FNIP2: variants seen among roughly 807,000 people sequenced by gnomAD.
FNIP2 encodes folliculin-interacting protein 2.
Under a neutral mutation model 108.7 loss-of-function variants are expected in FNIP2, and 32 were observed. The observed-to-expected ratio is 0.29, with a 90% confidence interval of 0.22 to 0.40. The LOEUF is 0.40. Among genes scored for constraint, FNIP2 ranks in the 10% least tolerant of loss-of-function variants. The pLI is 1.00. For missense variants in FNIP2, 1,202 were observed against 1,381.6 expected (o/e 0.87, Z 2.06); for synonymous variants, 480 against 496.7 (o/e 0.97, Z 0.45).
chr4:158,839,530 AT>A (rs923117553), intron 7 of FNIP2, among the ~76,000 whole-genome samples: 25 of 147,068 alleles, frequency 1.7e-4, no homozygotes, highest in South Asian at 2.2e-4. Context: ...CACACCCAGA[AT>A]TTTTTTTTTT....
At chr4:158,815,024 T>G (rs1421103650) in intron 1 of FNIP2, among the ~76,000 whole-genome samples, 1 of 152,242 alleles carries the variant, frequency 6.6e-6, no homozygotes, top group Non-Finnish European at 1.5e-5. Context: ...CGGCTTAATA[T>G]TCAAAAGGCA....
Position 158,801,270 on chromosome 4 carries a change from TG to T in FNIP2, c.108-24644del, listed in dbSNP as rs1776753809. Among the ~76,000 whole-genome samples the T allele has an allele frequency of 2.0e-5, 3 of 152,108 alleles. No homozygotes were observed. In the South Asian group the frequency reaches 6.2e-4, roughly 32 times the overall value. ...GGGTGAGTGAGTAGGGCAGGGTTCA[TG>T]GCAAGGTGTCCGACAAGATACTTAG... On this transcript the variant is annotated intron_variant, in intron 1 of 16. Transcript: ENST00000264433.
At chr4:158,799,799 T>C (rs1490134713) in intron 1 of FNIP2, among the ~76,000 whole-genome samples, 1 of 152,234 alleles carries the variant, frequency 6.6e-6, no homozygotes, top group Non-Finnish European at 1.5e-5. Flanking sequence ...AATGATTATA[T>C]GATTATAATT....
intron 1 of FNIP2, among the ~76,000 whole-genome samples, chr4:158,803,571 A>C (rs1307789916): frequency 6.6e-6 from 1 of 152,232 alleles, no homozygotes; most frequent in East Asian, 1.9e-4. Flanking sequence ...AAACATAAGG[A>C]AATTTGAAGT....
chr4:158,880,887 A>G (rs1014713619), intron 14 of FNIP2, among the ~76,000 whole-genome samples: 15 of 152,302 alleles, frequency 9.8e-5, no homozygotes, highest in Middle Eastern at 3.4e-3. Context: ...GAGGAGGCAG[A>G]GGAATACCAA....
intron 14 of FNIP2, among the ~76,000 whole-genome samples, chr4:158,870,926 G>T (rs1281703923): frequency 1.3e-5 from 2 of 152,244 alleles, no homozygotes; most frequent in Non-Finnish European, 2.9e-5. Context: ...ACACAGAAGG[G>T]CAAGGAGCTG....
chr4:158,887,419 T>C (rs1177757073), intron 14 of FNIP2, among the ~76,000 whole-genome samples: 2 of 152,142 alleles, frequency 1.3e-5, no homozygotes, highest in African/African-American at 4.8e-5. Context: ...TGTTTGTTTA[T>C]TGTGGTTCTA....
At chr4:158,806,439 T>G (rs1057020017) in intron 1 of FNIP2, 4 of 1,275,200 alleles carry the variant, frequency 3.1e-6, no homozygotes, top group African/African-American at 3.1e-5. Context: ...AAACTTTAGT[T>G]GTTTCAAAGT....
intron 15 of FNIP2, among the ~76,000 whole-genome samples, chr4:158,894,113 T>C (rs1782470309): frequency 6.6e-6 from 1 of 151,586 alleles, no homozygotes; most frequent in Admixed American, 6.6e-5. Flanking sequence ...GAAAGAGGAG[T>C]TTAAAAAGCC....
At chr4:158,872,200 C>T in intron 14 of FNIP2, 1 of 985,402 alleles carries the variant, frequency 1.0e-6, no homozygotes, top group Non-Finnish European at 1.2e-6. Context: ...GATTTACTCA[C>T]TGACCACTCT....
intron 10 of FNIP2, among the ~76,000 whole-genome samples, chr4:158,860,688 C>T (rs1157651985): frequency 1.4e-5 from 2 of 139,834 alleles, no homozygotes; most frequent in East Asian, 2.0e-4. Flanking sequence ...GACTGAGTCT[C>T]GCTCTGTCAC....
chr4:158,783,131 T>A (rs1423958630), intron 1 of FNIP2, among the ~76,000 whole-genome samples: 1 of 152,222 alleles, frequency 6.6e-6, no homozygotes, highest in East Asian at 1.9e-4. Context: ...GTGAGTTGTC[T>A]TGAGCTTGCC....
chr4:158,777,237 C>T (rs1267597595), intron 1 of FNIP2, among the ~76,000 whole-genome samples: 1 of 152,148 alleles, frequency 6.6e-6, no homozygotes, highest in East Asian at 1.9e-4. Flanking sequence ...TCTTGTATGG[C>T]TTGGTAAAAC....
chr4:158,871,401 C>G, intron 14 of FNIP2: 1 of 985,298 alleles, frequency 1.0e-6, no homozygotes, highest in South Asian at 4.7e-5. Context: ...CCTTGGCCAA[C>G]AAGTATTTTT....
At chr4:158,771,254 G>A (rs907824485) in intron 1 of FNIP2, among the ~76,000 whole-genome samples, 12 of 152,216 alleles carry the variant, frequency 7.9e-5, no homozygotes, top group African/African-American at 2.7e-4. Flanking sequence ...CCATGGAAAA[G>A]AAAGTAAAGT....
chr4:158,883,461 T>C (rs1435595403), intron 14 of FNIP2, among the ~76,000 whole-genome samples: 2 of 152,190 alleles, frequency 1.3e-5, no homozygotes, highest in East Asian at 3.8e-4. Flanking sequence ...CAGGATGGTC[T>C]CGATCTCCTG....
intron 1 of FNIP2, among the ~76,000 whole-genome samples, chr4:158,775,139 G>T (rs1276323708): frequency 6.6e-6 from 1 of 152,158 alleles, no homozygotes; most frequent in Admixed American, 6.6e-5. Flanking sequence ...AAATACTTTG[G>T]CTGCCAGCAT....
At chr4:158,875,875 A>G (rs1006937998) in intron 14 of FNIP2, among the ~76,000 whole-genome samples, 2 of 152,006 alleles carry the variant, frequency 1.3e-5, no homozygotes, top group South Asian at 4.2e-4. Flanking sequence ...TTAAAACTAC[A>G]TATTTTGACC....
At chr4:158,828,726 C>T (rs1778295043) in intron 2 of FNIP2, among the ~76,000 whole-genome samples, 1 of 152,110 alleles carries the variant, frequency 6.6e-6, no homozygotes, top group Non-Finnish European at 1.5e-5. Context: ...CCTCATCTTT[C>T]TCCTCATCAA....
Sources: allele counts gnomAD v4.1 joint callset (sites outside exome capture counted in the v4.1 genomes callset), GRCh38; gene constraint gnomAD v4.1.1; transcripts MANE v1.5; gene names NCBI Gene and HGNC (gene_info 2026-07-23, HGNC 2026-07-21).